Variants in RANBP2 observed in about 807,000 individuals in gnomAD.
The protein encoded by RANBP2 is RAN binding protein 2.
RANBP2 carries 57 observed loss-of-function variants against 303.6 expected under a neutral mutation model. The observed-to-expected ratio is 0.19, with a 90% CI of 0.15 to 0.23. The LOEUF is 0.23. RANBP2 is among the 10% of genes least tolerant of loss of function. The probability of loss-of-function intolerance (pLI) is 1.00; values close to 1 mark genes in which losing one functional copy is unlikely to be tolerated. For missense variants in RANBP2, 3,138 were observed against 3,780.8 expected (o/e 0.83, Z 4.46); for synonymous variants, 1,167 against 1,301.5 (o/e 0.90, Z 2.23).
the RANBP2 span, chr2:109,490,481 T>A: frequency 2.3e-6 from 2 of 866,970 alleles, no homozygotes; most frequent in Non-Finnish European, 3.2e-6. Flanking sequence ...TAAAGTCTTT[T>A]GTCTGAAAAA....
chr2:109,190,331 G>A, the RANBP2 span, among the ~76,000 whole-genome samples: 4 of 152,166 alleles, frequency 2.6e-5, no homozygotes, highest in African/African-American at 7.2e-5. Flanking sequence ...CTGCCACCAC[G>A]CCTGGCTAAT....
chr2:109,294,170 G>GT, the RANBP2 span, among the ~76,000 whole-genome samples: 1 of 152,158 alleles, frequency 6.6e-6, no homozygotes, highest in African/African-American at 2.4e-5. Context: ...TTCTTCCACT[G>GT]TTTCAAAGGA....
At chr2:109,545,419 TG>T in the RANBP2 span, 43 of 1,535,894 alleles carry the variant, frequency 2.8e-5, no homozygotes, top group African/African-American at 4.4e-4. Flanking sequence ...ATCATCCACA[TG>T]CTACTCATGG....
At chr2:109,133,694 C>G in the RANBP2 span, among the ~76,000 whole-genome samples, 2 of 150,356 alleles carry the variant, frequency 1.3e-5, no homozygotes, top group Non-Finnish European at 1.5e-5. Flanking sequence ...GTCTTTCATA[C>G]ATGGTCATCT....
the RANBP2 span, among the ~76,000 whole-genome samples, chr2:108,849,170 G>C: frequency 6.6e-6 from 1 of 151,924 alleles, no homozygotes; most frequent in Non-Finnish European, 1.5e-5. Flanking sequence ...TGTCCAAAAT[G>C]AATTACACAG....
chr2:109,516,853 G>A, the RANBP2 span, among the ~76,000 whole-genome samples: 2 of 152,176 alleles, frequency 1.3e-5, no homozygotes, highest in South Asian at 2.1e-4. Flanking sequence ...GATATTTTTA[G>A]TGCAAAGAAT....
At chr2:109,054,007 T>G in the RANBP2 span, among the ~76,000 whole-genome samples, 1 of 152,182 alleles carries the variant, frequency 6.6e-6, no homozygotes, top group Non-Finnish European at 1.5e-5. Flanking sequence ...TGCTGCATCT[T>G]TCAGGGTTAT....
chr2:108,751,698 A>G lies in RANBP2; in HGVS notation c.1626A>G (p.Lys542=), dbSNP rs1675895311. Residue 542 remains lysine (K), a synonymous_variant, in exon 11 of 29, where the codon AAA becomes AAG. Coordinates refer to ENST00000283195, the MANE Select transcript of RANBP2 (RefSeq NM_006267.5). The part of the protein sequence containing the change: ...WDAVCTLIHR[K]AVPGNVAKLR... ...CGGTTTGTACTCTGATTCACAGAAA[A>G]GCAGTGTAAGTAGTAAAACAAAAAT... The G allele has an allele frequency of 6.2e-7, 1 of 1,609,720 alleles. No individual in the cohort carries two copies. The highest frequency in any genetic ancestry group is 1.7e-5 in the Admixed American group (1 of 59,574).
chr2:109,632,818 CA>C, the RANBP2 span, among the ~76,000 whole-genome samples: 9 of 143,038 alleles, frequency 6.3e-5, no homozygotes, highest in Admixed American at 7.0e-5. Flanking sequence ...GACTCTGTCT[CA>C]AAAAAAAAAA....
chr2:109,516,261 C>A, the RANBP2 span, among the ~76,000 whole-genome samples: 1 of 152,196 alleles, frequency 6.6e-6, no homozygotes, highest in Non-Finnish European at 1.5e-5. Context: ...AAGTCCCACC[C>A]CCTGTGCCCA....
At chr2:108,930,315 G>A in the RANBP2 span, 1 of 1,603,616 alleles carries the variant, frequency 6.2e-7, no homozygotes, top group Non-Finnish European at 8.5e-7. Context: ...AGACCCCAAG[G>A]TTGACATAGG....
At chr2:109,270,367 A>G in the RANBP2 span, among the ~76,000 whole-genome samples, 1 of 152,152 alleles carries the variant, frequency 6.6e-6, no homozygotes, top group African/African-American at 2.4e-5. Context: ...GCCTAGCGGG[A>G]TAGGCAGGCT....
the RANBP2 span, among the ~76,000 whole-genome samples, chr2:109,405,337 G>A: frequency 3.3e-5 from 5 of 151,996 alleles, no homozygotes; most frequent in Admixed American, 2.0e-4. Flanking sequence ...CTTCGTCTTC[G>A]CTAATACCCT....
chr2:109,610,095 GTT>G, the RANBP2 span, among the ~76,000 whole-genome samples: 1 of 143,420 alleles, frequency 7.0e-6, no homozygotes, highest in Non-Finnish European at 1.5e-5. Flanking sequence ...TCCCTGAGGT[GTT>G]TTTTTTTTTT....
the RANBP2 span, among the ~76,000 whole-genome samples, chr2:108,878,137 CAT>C: frequency 6.6e-6 from 1 of 152,200 alleles, no homozygotes; most frequent in Non-Finnish European, 1.5e-5. Flanking sequence ...AAATCAACCT[CAT>C]ATCAAAAGCA....
chr2:109,766,237 G>A, the RANBP2 span, among the ~76,000 whole-genome samples: 4 of 151,300 alleles, frequency 2.6e-5, no homozygotes, highest in African/African-American at 9.7e-5. Context: ...GGCTAGGGCT[G>A]TGGGCAGCAG....
At chr2:108,999,534 G>A in the RANBP2 span, among the ~76,000 whole-genome samples, 1 of 152,192 alleles carries the variant, frequency 6.6e-6, no homozygotes, top group South Asian at 2.1e-4. Context: ...TTTATTGAGA[G>A]ACCAGGCTGC....
chr2:108,763,942 C>T lies in RANBP2; in HGVS notation c.3403C>T (p.His1135Tyr). 6.2e-7 allele frequency: 1 copy of T among 1,613,896 alleles called. No individual in the cohort carries two copies. The highest frequency in any genetic ancestry group is 2.2e-5 in the East Asian group (1 of 44,880). ...FRRSDDMFTF[H>Y]GPGKSVFGTP... is the part of the protein sequence containing the mutation. ...GCGAAGTGATGATATGTTTACTTTC[C>T]ATGGTCCAGGGAAATCAGTATTTGG... Residue 1135 changes from histidine (H) to tyrosine (Y), a missense_variant, in exon 20 of 29, where the codon CAT (histidine) becomes TAT (tyrosine). By Grantham distance (83) the His-to-Tyr change is moderately conservative. Around this residue, in one of 20 missense-constraint regions of RANBP2, gnomAD observed 403 missense variants for 376.7 expected, o/e 1.07. Coordinates refer to ENST00000283195, the MANE Select transcript of RANBP2 (RefSeq NM_006267.5).
chr2:109,489,729 G>GT, the RANBP2 span, among the ~76,000 whole-genome samples: 3 of 130,892 alleles, frequency 2.3e-5, no homozygotes, highest in Non-Finnish European at 4.8e-5. Context: ...GTCGGACAAG[G>GT]TTTTTTTTGG....
Sources: allele counts gnomAD v4.1 joint callset (sites outside exome capture counted in the v4.1 genomes callset), GRCh38; gene constraint gnomAD v4.1.1; regional missense constraint gnomAD v4.1.1; transcripts MANE v1.5; gene names NCBI Gene and HGNC (gene_info 2026-07-23, HGNC 2026-07-21).